Variants in CHN2 observed in about 807,000 individuals in gnomAD.
CHN2 encodes chimerin 2.
Under a neutral mutation model 56.3 loss-of-function variants are expected in CHN2, and 35 were observed. The observed-to-expected ratio is 0.62, with a 90% CI of 0.47 to 0.82. CHN2 has a LOEUF of 0.82. CHN2 is among the 40% of genes least tolerant of loss of function. The probability of loss-of-function intolerance (pLI) is 0.00; values close to 1 mark genes in which losing one functional copy is unlikely to be tolerated. For missense variants in CHN2, 491 were observed against 580.5 expected, an observed-to-expected ratio of 0.85 and a Z score of 1.58; for synonymous variants, 210 against 212.8, an observed-to-expected ratio of 0.99 and a Z score of 0.12.
At chr7:29,273,364 T>C (rs1162711780) in intron 1 of CHN2, among the ~76,000 whole-genome samples, 1 of 83,858 alleles carries the variant, frequency 1.2e-5, no homozygotes, top group Non-Finnish European at 2.3e-5. Context: ...TATATATATA[T>C]ATATATATAT....
intron 6 of CHN2, among the ~76,000 whole-genome samples, chr7:29,406,892 G>GC (rs770079228): frequency 2.0e-5 from 3 of 152,100 alleles, no homozygotes; most frequent in African/African-American, 4.8e-5. Context: ...TAATTCTAAC[G>GC]CCCTCCACCT....
chr7:29,346,157 C>G (rs1797419588), intron 1 of CHN2, among the ~76,000 whole-genome samples: 1 of 152,192 alleles, frequency 6.6e-6, no homozygotes, highest in African/African-American at 2.4e-5. Context: ...TCCAGGTAGT[C>G]TCGCAGCTCA....
chr7:29,226,475 T>C (rs1400013386), intron 1 of CHN2, among the ~76,000 whole-genome samples: 1 of 152,208 alleles, frequency 6.6e-6, no homozygotes, highest in East Asian at 1.9e-4. Context: ...TAGTTCCATC[T>C]TGGAAACGTC....
At chr7:29,283,589 A>G (rs1791902716) in intron 1 of CHN2, among the ~76,000 whole-genome samples, 1 of 152,114 alleles carries the variant, frequency 6.6e-6, no homozygotes, top group African/African-American at 2.4e-5. Flanking sequence ...TGACCTAAAT[A>G]TGCAAGCTCT....
At chr7:29,228,219 CAG>C (rs993250753) in intron 1 of CHN2, among the ~76,000 whole-genome samples, 3 of 149,546 alleles carry the variant, frequency 2.0e-5, no homozygotes, top group African/African-American at 7.5e-5. Flanking sequence ...GAGAGAGAGA[CAG>C]AGAGAGAGTC....
intron 2 of CHN2, chr7:29,147,156 C>T: frequency 5.5e-6 from 4 of 726,978 alleles, no homozygotes; most frequent in Non-Finnish European, 6.6e-6. Context: ...TAGCCACCAC[C>T]AGGTGCTGGG....
chr7:29,391,175 T>G (rs1424922392), intron 3 of CHN2, among the ~76,000 whole-genome samples: 1 of 152,034 alleles, frequency 6.6e-6, no homozygotes, highest in African/African-American at 2.4e-5. Flanking sequence ...CCTCAACCAG[T>G]AGAAGCAGTT....
chr7:29,345,796 C>T (rs543425306), intron 1 of CHN2, among the ~76,000 whole-genome samples: 12 of 152,178 alleles, frequency 7.9e-5, no homozygotes, highest in East Asian at 1.9e-4. Context: ...CATGTGGCCC[C>T]GGTGCCCTCT....
intron 3 of CHN2, among the ~76,000 whole-genome samples, chr7:29,390,268 GACTAC>G (rs1801259891): frequency 6.6e-6 from 1 of 152,136 alleles, no homozygotes; most frequent in Admixed American, 6.6e-5. Context: ...CGTGTAACAC[GACTAC>G]ATATTTTCTT....
chr7:29,229,957 A>G (rs913428908), intron 1 of CHN2, among the ~76,000 whole-genome samples: 10 of 151,502 alleles, frequency 6.6e-5, no homozygotes, highest in Non-Finnish European at 1.2e-4. Context: ...AGCCTGGGAG[A>G]CAGAGGGAGA....
chr7:29,412,146 T>C (rs916393148), intron 6 of CHN2, among the ~76,000 whole-genome samples: 1 of 152,182 alleles, frequency 6.6e-6, no homozygotes, highest in African/African-American at 2.4e-5. Flanking sequence ...TAGTGTTTAC[T>C]GAAATGGGTA....
chr7:29,325,627 T>C (rs575436372), intron 1 of CHN2, among the ~76,000 whole-genome samples: 24 of 152,334 alleles, frequency 1.6e-4, no homozygotes, highest in African/African-American at 5.3e-4. Context: ...TGAAACATAA[T>C]ACAACCAGTG....
rs1195152837 is a variant in CHN2, at chr7:29,204,073, G to C, written c.49+9083G>C. On this transcript the variant is annotated intron_variant, in intron 1 of 12. Coordinates refer to ENST00000222792, the MANE Select transcript of CHN2 (RefSeq NM_004067.4). ...CACACGTTTTTCTCTCTCTCTGTGTGTGTGTGTGTGTGTGTGTGTGTGTGT... is the reference window on the plus strand; with the variant it reads ...CACACGTTTTTCTCTCTCTCTGTGTCTGTGTGTGTGTGTGTGTGTGTGTGT... Among the ~76,000 whole-genome samples, 151 of 50,484 alleles carry C rather than the reference G, an allele frequency of 3.0e-3. 1 individual carries two copies. The highest frequency in any genetic ancestry group is 9.9e-3 in the East Asian group (16 of 1,618). The allele number at this position is 50,484 out of a possible 152,430, so 33.1% of individuals were successfully genotyped here.
At chr7:29,447,335 C>G (rs1158031381) in intron 6 of CHN2, among the ~76,000 whole-genome samples, 1 of 152,200 alleles carries the variant, frequency 6.6e-6, no homozygotes, top group Non-Finnish European at 1.5e-5. Context: ...CTGCATGTGA[C>G]TCACAGCAGA....
intron 1 of CHN2, among the ~76,000 whole-genome samples, chr7:29,260,915 C>A (rs1440642759): frequency 6.6e-6 from 1 of 152,144 alleles, no homozygotes; most frequent in Non-Finnish European, 1.5e-5. Context: ...TAGAAATAAT[C>A]CCCAATTCAT....
intron 1 of CHN2, among the ~76,000 whole-genome samples, chr7:29,310,419 A>G (rs1313858300): frequency 6.6e-6 from 1 of 152,268 alleles, no homozygotes; most frequent in Non-Finnish European, 1.5e-5. Flanking sequence ...GTATACAAAT[A>G]TAAACAATGG....
At chr7:29,364,429 T>C (rs1364544206) in intron 2 of CHN2, among the ~76,000 whole-genome samples, 1 of 152,244 alleles carries the variant, frequency 6.6e-6, no homozygotes, top group Non-Finnish European at 1.5e-5. Context: ...CATATATCAC[T>C]GTTGGCTTCA....
chr7:29,160,209 T>C (rs1404434486), intron 2 of CHN2, among the ~76,000 whole-genome samples: 1 of 152,204 alleles, frequency 6.6e-6, no homozygotes, highest in African/African-American at 2.4e-5. Flanking sequence ...ATCTAAAATA[T>C]GTACTGGCCA....
intron 1 of CHN2, among the ~76,000 whole-genome samples, chr7:29,221,123 A>G (rs1785760620): frequency 1.3e-5 from 2 of 152,222 alleles, no homozygotes; most frequent in African/African-American, 2.4e-5. Flanking sequence ...ATATAACTGC[A>G]TACTTAATGA....
Sources: allele counts gnomAD v4.1 joint callset (sites outside exome capture counted in the v4.1 genomes callset), GRCh38; gene constraint gnomAD v4.1.1; transcripts MANE v1.5; gene names NCBI Gene and HGNC (gene_info 2026-07-23, HGNC 2026-07-21).